Variants in STX4 observed in about 807,000 individuals in gnomAD.
STX4 encodes the protein syntaxin-4.
A neutral mutation model predicts 41.8 loss-of-function variants in STX4; 24 were observed. The ratio of observed to expected loss-of-function variants is 0.57; its 90% CI spans 0.42 to 0.81. The LOEUF (loss-of-function observed/expected upper bound fraction) is 0.81. Among genes scored for constraint, STX4 ranks in the 30% least tolerant of loss-of-function variants. The probability of loss-of-function intolerance (pLI) is 0.00; values close to 1 mark genes in which losing one functional copy is unlikely to be tolerated. For synonymous variants in STX4, 158 were observed against 156.4 expected, an observed-to-expected ratio of 1.01 and a Z score of -0.08; for missense variants, 316 against 389.9, an observed-to-expected ratio of 0.81 and a Z score of 1.60.
rs540430448 is a variant in STX4 at position 31,039,307 on chromosome 16, A to T, written c.703-234A>T. On this transcript the variant is annotated intron_variant, in intron 8 of 10. Transcript: ENST00000313843. The surrounding 1 kb of genome is among the most constrained non-coding windows in gnomAD (Gnocchi z 4.1). ...TGAGCCATTTGAGGCCCTTAGCTCC[A>T]AGCTACCACTGCAGATAGAGGTTGT... is the stretch of plus-strand genomic sequence containing the variant. The T allele has an allele frequency of 1.9e-6, 1 of 514,710 alleles. No homozygotes were observed. Among genetic ancestry groups the T allele is most frequent in the Admixed American group, 3.3e-5 (1 of 30,160 alleles). 31.9% of individuals were successfully genotyped at this position (514,710 alleles called of 1,614,324 possible). A position where few individuals can be genotyped will look rare whatever the true frequency, so the allele number is the denominator to read the frequency against.
chr16:31,035,048 T>G lies in STX4; in HGVS notation c.378+8T>G. 6.3e-7 allele frequency: 1 copy of G among 1,598,100 alleles called. No individual in the cohort carries two copies. Among genetic ancestry groups the G allele is most frequent in the Non-Finnish European group, 8.5e-7 (1 of 1,175,058 alleles). Reference sequence around the variant, plus strand: ...AGAATGAGAAAAACCCAGGTGGGTTTTTTTTCTCAGAAATGAGGACATTTC... The same window carrying G: ...AGAATGAGAAAAACCCAGGTGGGTTGTTTTTCTCAGAAATGAGGACATTTC... On this transcript the variant is annotated splice_region_variant and intron_variant, in intron 5 of 10. Coordinates refer to ENST00000313843, the MANE Select transcript of STX4 (RefSeq NM_004604.5).
chr16:31,034,587 G>T, intron 4 of STX4, 51 bp downstream of exon 4: 1 of 1,498,402 alleles, frequency 6.7e-7, no homozygotes, highest in East Asian at 2.4e-5. Flanking sequence ...CTGCCCTGTT[G>T]TTGGTATATC....
At chr16:31,037,866 G>A (rs929795501) in intron 5 of STX4, 60 bp from the exon 6 acceptor site, 22 of 1,583,626 alleles carry the variant, frequency 1.4e-5, no homozygotes, top group East Asian at 4.5e-5. Context: ...TGGGGTTGCC[G>A]AGGCACCGAC....
At chr16:31,036,828 G>A (rs1030441154) in intron 5 of STX4, among the ~76,000 whole-genome samples, 5 of 152,096 alleles carry the variant, frequency 3.3e-5, no homozygotes, top group African/African-American at 9.7e-5. Context: ...AAAGGCTTAA[G>A]CTGAGAGTGT....
chr16:31,033,286 C>G (rs752237689), upstream of STX4: 9 of 712,024 alleles, frequency 1.3e-5, no homozygotes, highest in Non-Finnish European at 2.3e-5. The surrounding 1 kb of genome is among the most constrained non-coding windows in gnomAD (Gnocchi z 5.5). Context: ...GAGTTTGGGA[C>G]CGGGCTGGTC....
At chr16:31,034,616 G>C in intron 4 of STX4, 80 bp downstream of exon 4, 2 of 1,429,774 alleles carry the variant, frequency 1.4e-6, no homozygotes, top group Non-Finnish European at 9.3e-7. Flanking sequence ...GTGTGGCCCA[G>C]AGAAGCCAGT....
At chr16:31,036,582 C>G (rs57759165) in intron 5 of STX4, among the ~76,000 whole-genome samples, 3 of 152,244 alleles carry the variant, frequency 2.0e-5, no homozygotes, top group African/African-American at 7.2e-5. Flanking sequence ...GATCCCTGTC[C>G]TCATGGAACT....
At chr16:31,038,434 C>T (rs1444753729) in intron 7 of STX4, 76 bp from the exon 8 acceptor site, 1 of 1,588,172 alleles carries the variant, frequency 6.3e-7, no homozygotes, top group Non-Finnish European at 8.6e-7. Context: ...GAGGGCTCCC[C>T]AGAAGCTCAA....
rs1216133409 is a variant in STX4 at position 31,033,718 on chromosome 16, G to A, written c.-88G>A. 41 of 1,448,962 alleles carry A rather than the reference G, an allele frequency of 2.8e-5. No homozygotes were observed. Among genetic ancestry groups the A allele is most frequent in the Non-Finnish European group, 3.5e-5 (38 of 1,101,182 alleles). 89.8% of individuals were successfully genotyped at this position (1,448,962 alleles called of 1,614,324 possible). On this transcript the variant is annotated 5_prime_UTR_variant, in exon 1 of 11. Transcript: ENST00000313843. The surrounding 1 kb of genome is among the most constrained non-coding windows in gnomAD (Gnocchi z 5.5). ...TGTTGGGGTCCGCAGGGGGAGGGAG[G>A]GGAGTGTCAGAGTGTGAGCGGGGTA...
intron 3 of STX4, 51 bp downstream of exon 3, chr16:31,034,376 G>A (rs1382457410): frequency 1.2e-6 from 2 of 1,611,776 alleles, no homozygotes; most frequent in Non-Finnish European, 1.7e-6. Context: ...GGGATTGTGG[G>A]GGTTGTAGTT....
upstream of STX4, chr16:31,033,295 TCACGTGACGCGGTGGGGG>T: frequency 1.4e-6 from 1 of 720,836 alleles, no homozygotes; most frequent in Non-Finnish European, 2.6e-6. This position sits in a 1 kb window ranked among gnomAD's most constrained non-coding sequence, Gnocchi z 5.5. Context: ...ACCGGGCTGG[TCACGTGACGCGGTGGGGG>T]CACCATGGGG....
At position 31,034,475 on chromosome 16, in the gene STX4, G is replaced by A; in HGVS notation, c.246G>A (p.Glu82=). The A allele has an allele frequency of 6.2e-7, 1 of 1,604,114 alleles. No homozygotes were observed. The highest frequency in any genetic ancestry group is 8.5e-7 in the Non-Finnish European group (1 of 1,173,658). Residue 82 remains glutamate, a synonymous_variant, in exon 4 of 11, where the codon GAG becomes GAA. Coordinates refer to ENST00000313843, the MANE Select transcript of STX4 (RefSeq NM_004604.5). ...TCTCTTATTCAGGCATGAAGCAGGA[G>A]CTGCAGAACCTGCGCGATGAGATCA... ...TPLPEESMKQ[E]LQNLRDEIKQ...
upstream of STX4, chr16:31,033,287 C>T: frequency 1.4e-6 from 1 of 712,910 alleles, no homozygotes; most frequent in Non-Finnish European, 2.6e-6. This position sits in a 1 kb window ranked among gnomAD's most constrained non-coding sequence, Gnocchi z 5.5. Context: ...AGTTTGGGAC[C>T]GGGCTGGTCA....
intron 5 of STX4, among the ~76,000 whole-genome samples, chr16:31,036,946 G>A (rs932986711): frequency 1.3e-4 from 19 of 151,790 alleles, no homozygotes; most frequent in Non-Finnish European, 7.4e-5. Context: ...ATCATAGAGG[G>A]CTAGCCAGGC....
At chr16:31,038,428 G>A in intron 7 of STX4, 82 bp from the exon 8 acceptor site, 1 of 1,575,334 alleles carries the variant, frequency 6.3e-7, no homozygotes, top group South Asian at 1.1e-5. Context: ...CAGGCTGAGG[G>A]CTCCCCAGAA....
At chr16:31,033,374 C>A, upstream of STX4, 5 of 993,944 alleles carry the variant, frequency 5.0e-6, no homozygotes, top group Non-Finnish European at 7.8e-6. This position sits in a 1 kb window ranked among gnomAD's most constrained non-coding sequence, Gnocchi z 5.5. Context: ...GTATTCCTAC[C>A]CCTTTTGGCA....
chr16:31,038,619 C>T lies in STX4; in HGVS notation c.674C>T (p.Thr225Ile). Residue 225 changes from threonine (T) to isoleucine (I), a missense_variant, in exon 8 of 11, where the codon ACT (threonine) becomes ATT (isoleucine). Physicochemically the swap from Thr to Ile is moderately conservative, Grantham distance 89. Transcript: ENST00000313843. ...RSIRELHDIF[T>I]FLATEVEMQG... ...ATTCGTGAGCTGCACGACATATTCA[C>T]TTTTCTGGCTACCGAAGTGGAGATG... 2.5e-6 allele frequency: 4 copies of T among 1,614,110 alleles called. No individual in the cohort carries two copies. Among genetic ancestry groups the T allele is most frequent in the Non-Finnish European group, 3.4e-6 (4 of 1,180,022 alleles).
rs553990644 is a variant in STX4, at chr16:31,039,094, C to T, written c.702+447C>T. 37 of 237,226 alleles carry T rather than the reference C, an allele frequency of 1.6e-4. No homozygotes were observed. Among genetic ancestry groups the T allele is most frequent in the African/African-American group, 7.2e-4 (32 of 44,512 alleles). The allele number at this position is 237,226 out of a possible 1,614,324, so 14.7% of individuals were successfully genotyped here. On this transcript the variant is annotated intron_variant, in intron 8 of 10. Transcript: ENST00000313843. The surrounding 1 kb of genome is among the most constrained non-coding windows in gnomAD (Gnocchi z 4.1). ...GAGCTGGCCTCAGTCATGCTACAGC[C>T]AATGCCCTTTTGCAGCTGAGACTTA...
At position 31,033,766 on chromosome 16, in the gene STX4, C is replaced by T. The variant is rs1344232328; in HGVS notation, c.-40C>T. ...GTACGGGAATTCCAAATTTGAGGGC[C>T]TCCCGGCTCTGGCGCCGGGGAGGGA... On this transcript the variant is annotated 5_prime_UTR_variant, in exon 1 of 11. Transcript: ENST00000313843. This position sits in a 1 kb window ranked among gnomAD's most constrained non-coding sequence, Gnocchi z 5.5. The T allele has an allele frequency of 6.9e-7, 1 of 1,450,724 alleles. No individual in the cohort carries two copies. Among genetic ancestry groups the T allele is most frequent in the South Asian group, 1.5e-5 (1 of 67,170 alleles). The allele number at this position is 1,450,724 out of a possible 1,614,324, so 89.9% of individuals were successfully genotyped here.
Sources: gnomAD v4.1 joint callset for allele counts (sites outside exome capture counted in the v4.1 genomes callset) on GRCh38, gnomAD v4.1.1 for gene constraint, Gnocchi (gnomAD v3.1) non-coding constraint, MANE v1.5 for transcripts, NCBI Gene and HGNC (gene_info 2026-07-23, HGNC 2026-07-21) for gene names.